The following POU6F2 variants were observed in gnomAD, a reference collection of about 807,000 sequenced individuals.
The protein encoded by POU6F2 is POU domain, class 6, transcription factor 2.
In POU6F2, 31 loss-of-function variants were observed where a neutral mutation model predicts 71.3. That is an observed-to-expected ratio of 0.43 (90% CI 0.33 to 0.59). The LOEUF (loss-of-function observed/expected upper bound fraction) is 0.59, where lower values mean the gene tolerates loss of function less well. Ranked by LOEUF, POU6F2 falls within the 20% of genes least tolerant of loss-of-function variation. The pLI, the probability that POU6F2 is intolerant of heterozygous loss-of-function variation, is 0.04. For missense variants in POU6F2, 783 were observed against 856.8 expected (o/e 0.91, Z 1.07); for synonymous variants, 347 against 355.7 (o/e 0.98, Z 0.27).
intron 1 of POU6F2, among the ~76,000 whole-genome samples, chr7:39,037,723 AT>A (rs1021794170): frequency 2.0e-5 from 3 of 151,874 alleles, no homozygotes; most frequent in Admixed American, 2.0e-4. Flanking sequence ...GTTTGTTGAT[AT>A]TTTTCAAAAA....
Position 39,460,459 on chromosome 7 carries a change from A to C in POU6F2, c.1490-88A>C. The C allele has an allele frequency of 6.8e-7, 1 of 1,472,158 alleles. No homozygotes were observed. The highest frequency in any genetic ancestry group is 1.2e-5 in the South Asian group (1 of 80,404). The allele number at this position is 1,472,158 out of a possible 1,614,324, so 91.2% of individuals were successfully genotyped here. ...TTTCCTCACTGCTCTGCTGTTAAAG[A>C]GAGCCACTTTCTTATAAACCGTAAT... On this transcript the variant is annotated intron_variant, in intron 8 of 9. Coordinates refer to ENST00000518318, the MANE Select transcript of POU6F2 (RefSeq NM_001370959.1). This position sits in a 1 kb window ranked among gnomAD's most constrained non-coding sequence, Gnocchi z 4.4.
chr7:38,991,009 T>C (rs1788590819), intron 1 of POU6F2, among the ~76,000 whole-genome samples: 1 of 152,112 alleles, frequency 6.6e-6, no homozygotes, highest in African/African-American at 2.4e-5. Context: ...TTCTTTCTAG[T>C]TGGACCAAAT....
intron 5 of POU6F2, among the ~76,000 whole-genome samples, chr7:39,386,281 A>G (rs1786942325): frequency 6.6e-6 from 1 of 152,008 alleles, no homozygotes; most frequent in Non-Finnish European, 1.5e-5. Context: ...GTCAATCCCA[A>G]GGTCCCTCCT....
chr7:39,381,360 C>T lies in POU6F2; in HGVS notation c.973-25240C>T, dbSNP rs184412585. Among the ~76,000 whole-genome samples the T allele has an allele frequency of 1.6e-4, 24 of 152,316 alleles. 1 individual carries two copies. The East Asian group carries it at 4.4e-3, about 28-fold the overall frequency. ...TCAAGCTATTCTTGTGCTTCAGCTT[C>T]TTGAGTAGCTGGGACTACAGGCACG... On this transcript the variant is annotated intron_variant, in intron 5 of 9. Transcript: ENST00000518318.
chr7:39,058,094 T>C (rs1374441911), intron 1 of POU6F2, among the ~76,000 whole-genome samples: 1 of 152,184 alleles, frequency 6.6e-6, no homozygotes, highest in Non-Finnish European at 1.5e-5. Flanking sequence ...TTAGACTTTC[T>C]CACCATTCCA....
At chr7:39,437,888 T>C (rs1468344741) in intron 7 of POU6F2, among the ~76,000 whole-genome samples, 2 of 152,096 alleles carry the variant, frequency 1.3e-5, no homozygotes, top group African/African-American at 4.8e-5. Context: ...TACCCAGGAG[T>C]CATCTAGGAG....
intron 4 of POU6F2, among the ~76,000 whole-genome samples, chr7:39,274,468 G>C (rs1438062489): frequency 3.0e-5 from 4 of 134,316 alleles, no homozygotes; most frequent in Non-Finnish European, 4.8e-5. Context: ...TTCTACCAGA[G>C]GTACAAGGAG....
At chr7:39,142,487 T>A (rs894758487) in intron 2 of POU6F2, among the ~76,000 whole-genome samples, 1 of 152,214 alleles carries the variant, frequency 6.6e-6, no homozygotes. Context: ...GAATTCACTT[T>A]GGTAACTAAT....
At chr7:39,254,382 T>C (rs1783979321) in intron 4 of POU6F2, among the ~76,000 whole-genome samples, 1 of 152,130 alleles carries the variant, frequency 6.6e-6, no homozygotes, top group Admixed American at 6.5e-5. Context: ...ATGGGCCCAC[T>C]CCTGTTTCCA....
chr7:38,981,606 G>T (rs1788318098), intron 1 of POU6F2, among the ~76,000 whole-genome samples: 1 of 152,130 alleles, frequency 6.6e-6, no homozygotes, highest in African/African-American at 2.4e-5. Flanking sequence ...AGAGACAGCT[G>T]GATAAAGTGA....
intron 4 of POU6F2, among the ~76,000 whole-genome samples, chr7:39,240,295 G>A (rs1783697612): frequency 6.6e-6 from 1 of 152,122 alleles, no homozygotes; most frequent in Non-Finnish European, 1.5e-5. Flanking sequence ...AGGATGTTGT[G>A]TCTAAAAATA....
chr7:39,377,727 T>G (rs921975965), intron 5 of POU6F2, among the ~76,000 whole-genome samples: 13 of 149,856 alleles, frequency 8.7e-5, no homozygotes, highest in African/African-American at 3.2e-4. Context: ...CTGAAACATG[T>G]AGGTTTAACC....
At chr7:39,052,647 A>G (rs1157886280) in intron 1 of POU6F2, among the ~76,000 whole-genome samples, 1 of 152,142 alleles carries the variant, frequency 6.6e-6, no homozygotes, top group Non-Finnish European at 1.5e-5. Context: ...TTGGATGGGG[A>G]CACAGAGCCA....
chr7:38,979,928 A>G (rs1372793029), intron 1 of POU6F2, among the ~76,000 whole-genome samples: 1 of 152,152 alleles, frequency 6.6e-6, no homozygotes, highest in Non-Finnish European at 1.5e-5. Context: ...TTGGAAATCA[A>G]TTGTAAAGGC....
At chr7:39,245,532 TA>T (rs1783805334) in intron 4 of POU6F2, among the ~76,000 whole-genome samples, 1 of 152,226 alleles carries the variant, frequency 6.6e-6, no homozygotes. Flanking sequence ...ATCAACTTTT[TA>T]CCTTCTTCTT....
intron 2 of POU6F2, among the ~76,000 whole-genome samples, chr7:39,176,168 A>G (rs184930534): frequency 6.6e-6 from 1 of 152,234 alleles, no homozygotes; most frequent in East Asian, 1.9e-4. Context: ...TGCAGGACCC[A>G]GTCTCCTCTA....
At chr7:39,368,593 T>C (rs1786551277) in intron 5 of POU6F2, among the ~76,000 whole-genome samples, 1 of 152,256 alleles carries the variant, frequency 6.6e-6, no homozygotes, top group African/African-American at 2.4e-5. Context: ...ATGAAACAGC[T>C]TTCTATTGGA....
At chr7:39,336,248 A>C (rs966593220) in intron 4 of POU6F2, among the ~76,000 whole-genome samples, 3 of 152,204 alleles carry the variant, frequency 2.0e-5, no homozygotes, top group Non-Finnish European at 2.9e-5. Flanking sequence ...TCCACTGTCT[A>C]GTTTCAGAAT....
intron 4 of POU6F2, among the ~76,000 whole-genome samples, chr7:39,320,804 C>T (rs889868506): frequency 3.3e-5 from 5 of 152,174 alleles, no homozygotes; most frequent in African/African-American, 1.2e-4. Context: ...CCTGTAATCC[C>T]AGGACTTTGG....
Sources: allele counts gnomAD v4.1 joint callset (sites outside exome capture counted in the v4.1 genomes callset), GRCh38; gene constraint gnomAD v4.1.1; non-coding constraint Gnocchi (gnomAD v3.1); transcripts MANE v1.5; gene names NCBI Gene and HGNC (gene_info 2026-07-23, HGNC 2026-07-21).